The following UGT1A4 variants were observed in gnomAD, a reference collection of about 807,000 sequenced individuals.
The protein encoded by UGT1A4 is UDP-glucuronosyltransferase 1A4.
UGT1A4 carries 32 observed loss-of-function variants against 41.1 expected under a neutral mutation model. The observed-to-expected ratio is 0.78, with a 90% CI of 0.59 to 1.05. The LOEUF (loss-of-function observed/expected upper bound fraction) is 1.05. Ranked by LOEUF, UGT1A4 falls within the 50% of genes least tolerant of loss-of-function variation. The pLI, the probability that UGT1A4 is intolerant of heterozygous loss-of-function variation, is 0.00. For synonymous variants in UGT1A4, 283 were observed against 265.1 expected (o/e 1.07, Z -0.66); for missense variants, 748 against 677.4 (o/e 1.10, Z -1.16).
Position 233,757,535 on chromosome 2 carries a change from A to AATATATATATATAT in UGT1A4, c.868-9486_868-9473dup, listed in dbSNP as rs67292694. Among the ~76,000 whole-genome samples the AATATATATATATAT allele has an allele frequency of 5.3e-3, 468 of 88,236 alleles. 9 individuals carry two copies. Among genetic ancestry groups the AATATATATATATAT allele is most frequent in the South Asian group, 0.014 (26 of 1,916 alleles). The allele number at this position is 88,236 out of a possible 152,430, so 57.9% of individuals were successfully genotyped here. Reference sequence around the variant, plus strand: ...CAAAGCCAAAATCTTGCCTGTAAGGAATATATATATATATATATATATATA... The same window carrying AATATATATATATAT: ...CAAAGCCAAAATCTTGCCTGTAAGGAATATATATATATATATATATATATATATATATATATATA... On this transcript the variant is annotated intron_variant, in intron 1 of 4. Transcript: ENST00000373409.
At chr2:233,729,001 C>T in intron 1 of UGT1A4, 3 of 1,564,662 alleles carry the variant, frequency 1.9e-6, no homozygotes, top group Non-Finnish European at 2.6e-6. Flanking sequence ...TAGAGGAGGG[C>T]ACTCTGTCTT....
At chr2:233,729,373 T>C (rs1160959644) in intron 1 of UGT1A4, 16 of 1,613,988 alleles carry the variant, frequency 9.9e-6, no homozygotes, top group Non-Finnish European at 1.3e-5. Context: ...CTATGCCATT[T>C]CGTGGACCCA....
intron 1 of UGT1A4, chr2:233,754,823 A>T (rs1695601999): frequency 7.5e-7 from 1 of 1,338,226 alleles, no homozygotes; most frequent in South Asian, 1.2e-5. Flanking sequence ...CACCCTCAAA[A>T]GCTGGAAATT....
chr2:233,718,792 A>C lies in UGT1A4; in HGVS notation c.-29A>C, dbSNP rs766693959. On this transcript the variant is annotated 5_prime_UTR_variant, in exon 1 of 5. Coordinates refer to ENST00000373409, the MANE Select transcript of UGT1A4 (RefSeq NM_007120.3). ...ATGTAGCAGGCACAGCGTGGGGTGG[A>C]CAGTCAGCTGTCGGTGGCTTCTGCT... The C allele has an allele frequency of 1.2e-6, 2 of 1,613,154 alleles. No individual in the cohort carries two copies. Among genetic ancestry groups the C allele is most frequent in the Non-Finnish European group, 8.5e-7 (1 of 1,179,996 alleles).
chr2:233,767,299 C>A (rs1479626764), intron 2 of UGT1A4, 134 bp downstream of exon 2: 17 of 1,540,620 alleles, frequency 1.1e-5, no homozygotes, highest in Non-Finnish European at 1.3e-5. Flanking sequence ...AACTATTAAT[C>A]CAAAGGTTTT....
intron 1 of UGT1A4, chr2:233,729,054 A>G (rs1209768756): frequency 1.2e-6 from 2 of 1,609,876 alleles, no homozygotes; most frequent in Admixed American, 3.3e-5. Context: ...TGACAAGGTA[A>G]TTAAGATGAA....
At position 233,747,809 on chromosome 2, in the gene UGT1A4, G is replaced by T. The variant is rs955692001; in HGVS notation, c.868-19225G>T. 2.4e-5 allele frequency: 38 copies of T among 1,613,216 alleles called. No homozygotes were observed. In the Admixed American group the frequency reaches 6.2e-4, roughly 26 times the overall value. ...CCTCCTATATTCCTAAGTTACTAAC[G>T]ACCAATTCAGACCACATGACATTCC... On this transcript the variant is annotated intron_variant, in intron 1 of 4. Coordinates refer to ENST00000373409, the MANE Select transcript of UGT1A4 (RefSeq NM_007120.3).
chr2:233,740,858 A>G (rs1691488527), intron 1 of UGT1A4: 1 of 151,872 alleles, frequency 6.6e-6, no homozygotes, highest in Non-Finnish European at 1.5e-5. Flanking sequence ...CAATTCTAAA[A>G]ATTCTTTAAA....
At chr2:233,728,329 C>A (rs541948735) in intron 1 of UGT1A4, among the ~76,000 whole-genome samples, 12 of 152,272 alleles carry the variant, frequency 7.9e-5, no homozygotes, top group African/African-American at 2.6e-4. Context: ...GGCTCCAGCT[C>A]CCCCAGTCCC....
chr2:233,734,476 T>C (rs1027928479), intron 1 of UGT1A4, among the ~76,000 whole-genome samples: 15 of 152,296 alleles, frequency 9.8e-5, no homozygotes, highest in African/African-American at 3.6e-4. Context: ...CCTGGATTCA[T>C]TGATTTTTTT....
rs144416943 is a variant in UGT1A4, at chr2:233,751,718, G to A, written c.868-15316G>A. 2.1e-3 allele frequency among the ~76,000 whole-genome samples: 324 copies of A among 152,254 alleles called. 2 individuals carry two copies. The highest frequency in any genetic ancestry group is 7.5e-3 in the African/African-American group (310 of 41,552). ...GGGGCTCTTCCTCCTTCACTCACAA[G>A]TGAACTCTTCCTCTCTGTTTCTCTC... On this transcript the variant is annotated intron_variant, in intron 1 of 4. Transcript: ENST00000373409.
At chr2:233,748,943 C>G (rs1694067259) in intron 1 of UGT1A4, among the ~76,000 whole-genome samples, 1 of 151,688 alleles carries the variant, frequency 6.6e-6, no homozygotes, top group Admixed American at 6.6e-5. Flanking sequence ...CAAACCCACC[C>G]TATCCCACTC....
chr2:233,769,226 G>A lies in UGT1A4; in HGVS notation c.1307+787G>A, dbSNP rs934586436. Among the ~76,000 whole-genome samples, 1 of 152,190 alleles carries A rather than the reference G, an allele frequency of 6.6e-6. No individual in the cohort carries two copies. The highest frequency in any genetic ancestry group is 2.4e-5 in the African/African-American group (1 of 41,452). On this transcript the variant is annotated intron_variant, in intron 4 of 4. Transcript: ENST00000373409. The surrounding 1 kb of genome is among the most constrained non-coding windows in gnomAD (Gnocchi z 4.4). ...TCACAGACAAAGTCTTAGAATAAGA[G>A]CAAAGGAAAATTTGCTCAAATGTGG...
intron 1 of UGT1A4, among the ~76,000 whole-genome samples, chr2:233,763,176 T>C (rs1474049260): frequency 6.6e-6 from 1 of 152,268 alleles, no homozygotes; most frequent in Admixed American, 6.5e-5. Context: ...GTTGACTACA[T>C]ATTTGTTGTT....
chr2:233,755,095 C>A, intron 1 of UGT1A4: 1 of 1,334,726 alleles, frequency 7.5e-7, no homozygotes, highest in Non-Finnish European at 1.0e-6. Context: ...CGTTTCTACG[C>A]GTCCGACAAC....
Position 233,719,349 on chromosome 2 carries a change from C to T in UGT1A4, c.529C>T (p.Pro177Ser), listed in dbSNP as rs2076756865. The part of the protein sequence containing the change: ...IPAVFFWRYI[P>S]CDLDFKGTQC... ...TGCTGTGTTTTTTTGGAGGTACATT[C>T]CATGTGACTTAGACTTTAAGGGCAC... The change falls in exon 1 of 5, where the codon CCA becomes TCA. Residue 177 changes from proline to serine, a missense_variant. Physicochemically the swap from Pro to Ser is moderately conservative, Grantham distance 74 (BLOSUM62 -1). Coordinates refer to ENST00000373409, the MANE Select transcript of UGT1A4 (RefSeq NM_007120.3). 1.2e-6 allele frequency: 2 copies of T among 1,613,758 alleles called. No homozygotes were observed. Among genetic ancestry groups the T allele is most frequent in the Admixed American group, 1.7e-5 (1 of 59,986 alleles).
chr2:233,755,316 A>C, intron 1 of UGT1A4: 1 of 530,882 alleles, frequency 1.9e-6, no homozygotes, highest in Admixed American at 3.3e-5. Context: ...GCGAGCGGCA[A>C]GGCTGCCAGC....
intron 1 of UGT1A4, among the ~76,000 whole-genome samples, chr2:233,752,736 C>A (rs1332947715): frequency 1.3e-5 from 2 of 152,164 alleles, no homozygotes; most frequent in African/African-American, 4.8e-5. Flanking sequence ...CAGAGAGAGA[C>A]CCTGTCTCTA....
chr2:233,765,231 A>G (rs1698784494), intron 1 of UGT1A4, among the ~76,000 whole-genome samples: 1 of 152,148 alleles, frequency 6.6e-6, no homozygotes, highest in African/African-American at 2.4e-5. Context: ...ACATAAAACC[A>G]TAGACTCAGT....
Sources: gnomAD v4.1 joint callset for allele counts (sites outside exome capture counted in the v4.1 genomes callset) on GRCh38, gnomAD v4.1.1 for gene constraint, Gnocchi (gnomAD v3.1) non-coding constraint, MANE v1.5 for transcripts, NCBI Gene and HGNC (gene_info 2026-07-23, HGNC 2026-07-21) for gene names.